NREP: variants seen among roughly 807,000 people sequenced by gnomAD.
NREP encodes neuronal regeneration-related protein.
A neutral mutation model predicts 8.6 loss-of-function variants in NREP; 5 were observed. The ratio of observed to expected loss-of-function variants is 0.58; its 90% CI spans 0.30 to 1.22. The LOEUF is 1.22. Among genes scored for constraint, NREP ranks in the 50% most tolerant of loss-of-function variants. NREP has a pLI of 0.07. For missense variants in NREP, 86 were observed against 82.5 expected, an observed-to-expected ratio of 1.04 and a Z score of -0.17; for synonymous variants, 27 against 28.0, an observed-to-expected ratio of 0.96 and a Z score of 0.11.
intron 2 of NREP, among the ~76,000 whole-genome samples, chr5:111,850,522 G>A (rs1366422264): frequency 6.6e-6 from 1 of 151,870 alleles, no homozygotes; most frequent in Non-Finnish European, 1.5e-5. Flanking sequence ...TCTTTCCAAG[G>A]CAATATTATT....
At chr5:111,765,770 T>C (rs1372617411) in intron 2 of NREP, among the ~76,000 whole-genome samples, 2 of 152,214 alleles carry the variant, frequency 1.3e-5, no homozygotes, top group Non-Finnish European at 2.9e-5. Flanking sequence ...CTTGGTTCTC[T>C]TGGTTTCTTC....
chr5:111,931,805 TTCTC>T (rs972770135), intron 2 of NREP, among the ~76,000 whole-genome samples: 16 of 152,134 alleles, frequency 1.1e-4, no homozygotes, highest in African/African-American at 3.1e-4. Context: ...TTCTGGTTCA[TTCTC>T]TCTTTTTTTG....
At chr5:111,751,139 CA>C (rs1750334961) in intron 2 of NREP, among the ~76,000 whole-genome samples, 1 of 152,106 alleles carries the variant, frequency 6.6e-6, no homozygotes, top group Non-Finnish European at 1.5e-5. Context: ...GAGCTTCTAC[CA>C]TGTACTTAAT....
intron 2 of NREP, among the ~76,000 whole-genome samples, chr5:111,782,541 A>G (rs1012806911): frequency 2.6e-5 from 4 of 152,148 alleles, no homozygotes; most frequent in African/African-American, 7.2e-5. Context: ...ATACTTAACT[A>G]TAGGAAACGT....
chr5:111,957,594 T>TAAAC, intron 2 of NREP, among the ~76,000 whole-genome samples: 1 of 151,106 alleles, frequency 6.6e-6, no homozygotes, highest in African/African-American at 2.4e-5. Context: ...CAAACCAAGA[T>TAAAC]AGAGTACAAG....
At chr5:111,735,622 C>G (rs768545744) in intron 2 of NREP, 115 bp from the exon 3 acceptor site, 42 of 672,830 alleles carry the variant, frequency 6.2e-5, no homozygotes, top group Non-Finnish European at 9.9e-5. Context: ...TCCCGACTAC[C>G]ACTTAGAGCA....
rs543500859 is a variant in NREP at position 111,778,139 on chromosome 5, G to A, written c.136-42632C>T. On this transcript the variant is annotated intron_variant, in intron 2 of 3. Transcript: ENST00000395634. ...CAGGCACACATCAGAAGTGGGAGTG[G>A]TCTTGTCAAGCAGAGGCAAGTTGCT... Among the ~76,000 whole-genome samples, 38 of 152,240 alleles carry A rather than the reference G, an allele frequency of 2.5e-4. No individual in the cohort carries two copies. The South Asian group carries it at 7.7e-3, about 31-fold the overall frequency.
At chr5:111,740,876 T>C (rs527626220) in intron 2 of NREP, among the ~76,000 whole-genome samples, 2 of 152,320 alleles carry the variant, frequency 1.3e-5, no homozygotes, top group Admixed American at 6.5e-5. Flanking sequence ...TATTTTCCTC[T>C]GTTCATTTAC....
At chr5:111,947,794 G>A (rs879846998) in intron 2 of NREP, among the ~76,000 whole-genome samples, 9 of 151,926 alleles carry the variant, frequency 5.9e-5, no homozygotes, top group Admixed American at 2.0e-4. Context: ...GGACATCTTC[G>A]CAAGCAATAT....
At chr5:111,950,196 A>G (rs1016059999) in intron 2 of NREP, among the ~76,000 whole-genome samples, 18 of 151,952 alleles carry the variant, frequency 1.2e-4, no homozygotes, top group African/African-American at 4.3e-4. Context: ...TGACAGATAT[A>G]TAGACCAATG....
intron 2 of NREP, among the ~76,000 whole-genome samples, chr5:111,972,633 G>C (rs1581263940): frequency 6.6e-6 from 1 of 152,224 alleles, no homozygotes; most frequent in East Asian, 1.9e-4. Flanking sequence ...TGCAAACTGG[G>C]GTCACAGTCC....
intron 2 of NREP, among the ~76,000 whole-genome samples, chr5:111,816,398 C>T (rs1752386365): frequency 6.6e-6 from 1 of 152,034 alleles, no homozygotes; most frequent in African/African-American, 2.4e-5. Context: ...TTAATAATGT[C>T]TTGTGAGGTT....
At chr5:111,743,538 C>T (rs187090519) in intron 2 of NREP, among the ~76,000 whole-genome samples, 13 of 152,112 alleles carry the variant, frequency 8.5e-5, no homozygotes, top group East Asian at 1.9e-4. Context: ...GATGTTTCTC[C>T]GACTTTTAAG....
intron 2 of NREP, among the ~76,000 whole-genome samples, chr5:111,915,880 C>T (rs931465706): frequency 3.9e-5 from 6 of 152,046 alleles, no homozygotes; most frequent in Non-Finnish European, 7.4e-5. Flanking sequence ...GGGACATTAA[C>T]GGTTTGCATC....
At chr5:111,973,705 T>A (rs182841267) in intron 2 of NREP, among the ~76,000 whole-genome samples, 1 of 152,346 alleles carries the variant, frequency 6.6e-6, no homozygotes, top group African/African-American at 2.4e-5. Context: ...TGACTTATGG[T>A]CTGTTATTTT....
intron 2 of NREP, among the ~76,000 whole-genome samples, chr5:111,833,806 C>T (rs577068799): frequency 6.6e-5 from 10 of 152,124 alleles, no homozygotes; most frequent in Admixed American, 1.3e-4. Context: ...TAGAAATATG[C>T]GGTGGGTATT....
chr5:111,954,073 C>G (rs190186735), intron 2 of NREP, among the ~76,000 whole-genome samples: 1 of 152,084 alleles, frequency 6.6e-6, no homozygotes. Flanking sequence ...TGACATTTAG[C>G]TTTCAGCCAA....
chr5:111,750,508 A>C (rs1750294036), intron 2 of NREP, among the ~76,000 whole-genome samples: 1 of 152,192 alleles, frequency 6.6e-6, no homozygotes, highest in Non-Finnish European at 1.5e-5. Flanking sequence ...CACAGGTATA[A>C]AAGTTAGTGA....
chr5:111,939,713 T>G (rs1174596774), intron 2 of NREP, among the ~76,000 whole-genome samples: 1 of 152,034 alleles, frequency 6.6e-6, no homozygotes, highest in Non-Finnish European at 1.5e-5. Flanking sequence ...TGCTTTTTGT[T>G]GGTGATTTTG....
Sources: gnomAD v4.1 joint callset for allele counts (sites outside exome capture counted in the v4.1 genomes callset) on GRCh38, gnomAD v4.1.1 for gene constraint, MANE v1.5 for transcripts, NCBI Gene and HGNC (gene_info 2026-07-23, HGNC 2026-07-21) for gene names.